DCC: variants seen among roughly 807,000 people sequenced by gnomAD.
DCC encodes the protein netrin receptor DCC.
A neutral mutation model predicts 172.5 loss-of-function variants in DCC; 58 were observed. The ratio of observed to expected loss-of-function variants is 0.34; its 90% CI spans 0.27 to 0.42. DCC has a LOEUF of 0.42. DCC is among the 10% of genes least tolerant of loss of function. The pLI is 1.00. For missense variants in DCC, 1,740 were observed against 1,791.0 expected (o/e 0.97, Z 0.51); for synonymous variants, 709 against 644.5 (o/e 1.10, Z -1.52).
intron 5 of DCC, among the ~76,000 whole-genome samples, chr18:52,990,439 C>G (rs999014312): frequency 2.0e-5 from 3 of 146,440 alleles, no homozygotes; most frequent in Non-Finnish European, 4.5e-5. Flanking sequence ...ACTTGGGAGG[C>G]TGAGGCAGGA....
At chr18:52,910,798 A>G (rs2145458663) in intron 3 of DCC, among the ~76,000 whole-genome samples, 1 of 152,292 alleles carries the variant, frequency 6.6e-6, no homozygotes, top group Non-Finnish European at 1.5e-5. Context: ...CTACAGTTAG[A>G]TGACTCTGAG....
intron 1 of DCC, among the ~76,000 whole-genome samples, chr18:52,600,261 G>T (rs2033990360): frequency 6.6e-6 from 1 of 152,144 alleles, no homozygotes; most frequent in East Asian, 1.9e-4. Context: ...TTATTGAAAT[G>T]ACCAGGTTTT....
chr18:53,476,208 C>T (rs777021207), intron 25 of DCC, among the ~76,000 whole-genome samples: 13 of 152,092 alleles, frequency 8.5e-5, no homozygotes, highest in African/African-American at 2.4e-4. Flanking sequence ...GATGAGATGT[C>T]GGGCTGTGGA....
intron 1 of DCC, among the ~76,000 whole-genome samples, chr18:52,639,354 A>C (rs1386121474): frequency 6.6e-6 from 1 of 152,038 alleles, no homozygotes; most frequent in Non-Finnish European, 1.5e-5. Context: ...ACAAACAAAA[A>C]ATAAATGAAA....
At chr18:52,509,443 G>T (rs1218535920) in intron 1 of DCC, among the ~76,000 whole-genome samples, 5 of 152,030 alleles carry the variant, frequency 3.3e-5, no homozygotes, top group South Asian at 4.1e-4. Context: ...GCACTGATTT[G>T]ACCATGAATT....
intron 1 of DCC, among the ~76,000 whole-genome samples, chr18:52,347,969 A>G (rs1983952688): frequency 6.6e-6 from 1 of 152,148 alleles, no homozygotes; most frequent in Non-Finnish European, 1.5e-5. Context: ...ACCCACTAGC[A>G]GTTTTCTGAT....
chr18:52,920,524 A>G (rs916427291), intron 3 of DCC, among the ~76,000 whole-genome samples: 2 of 151,810 alleles, frequency 1.3e-5, no homozygotes, highest in African/African-American at 4.8e-5. Flanking sequence ...TGGCTAAAAT[A>G]CAAAAAAAAT....
chr18:53,103,336 A>C (rs540860552), intron 7 of DCC, among the ~76,000 whole-genome samples: 1 of 152,076 alleles, frequency 6.6e-6, no homozygotes, highest in African/African-American at 2.4e-5. Flanking sequence ...ATGGGAACCC[A>C]GGGTAGTAAC....
intron 2 of DCC, among the ~76,000 whole-genome samples, chr18:52,839,792 T>C (rs993169351): frequency 1.3e-5 from 2 of 152,230 alleles, no homozygotes; most frequent in Admixed American, 1.3e-4. Flanking sequence ...GATTAGGTGT[T>C]ACATTTTGTT....
intron 11 of DCC, among the ~76,000 whole-genome samples, chr18:53,208,974 A>G (rs1488091437): frequency 6.6e-6 from 1 of 151,840 alleles, no homozygotes; most frequent in Non-Finnish European, 1.5e-5. Context: ...CAAGTGATCC[A>G]CCCGCCTTGG....
At chr18:52,510,090 G>T (rs2031378771) in intron 1 of DCC, among the ~76,000 whole-genome samples, 1 of 147,798 alleles carries the variant, frequency 6.8e-6, no homozygotes, top group South Asian at 2.2e-4. Context: ...GGCAATGAGA[G>T]CAAAATTCTG....
At chr18:53,215,459 C>T (rs2055831093) in intron 11 of DCC, 89 bp from the exon 12 acceptor site, 2 of 1,105,020 alleles carry the variant, frequency 1.8e-6, no homozygotes, top group Non-Finnish European at 2.8e-6. Context: ...ACTATATAAA[C>T]AAAACCACAC....
chr18:53,522,486 G>A (rs895330562), intron 27 of DCC, among the ~76,000 whole-genome samples: 1 of 152,086 alleles, frequency 6.6e-6, no homozygotes, highest in African/African-American at 2.4e-5. Flanking sequence ...AAAGAACAAA[G>A]CTGAAAGCAT....
At chr18:52,886,210 A>G (rs770661704) in intron 2 of DCC, among the ~76,000 whole-genome samples, 5 of 152,096 alleles carry the variant, frequency 3.3e-5, no homozygotes, top group African/African-American at 9.7e-5. Context: ...CTCTAAGCCC[A>G]GCCCAGGACT....
At chr18:53,226,819 A>G (rs184912391) in intron 12 of DCC, among the ~76,000 whole-genome samples, 86 of 151,502 alleles carry the variant, frequency 5.7e-4, no homozygotes, top group Non-Finnish European at 1.0e-3. Context: ...CTGAGCATAC[A>G]TTTTATAATC....
chr18:52,769,317 C>T (rs1011807752), intron 2 of DCC, among the ~76,000 whole-genome samples: 2 of 152,184 alleles, frequency 1.3e-5, no homozygotes, highest in Non-Finnish European at 2.9e-5. Flanking sequence ...TTATCACTTC[C>T]TAATGACATA....
chr18:52,480,413 AAGAT>A (rs142711788), intron 1 of DCC, among the ~76,000 whole-genome samples: 4,770 of 152,246 alleles, frequency 0.031, 261 homozygotes, highest in African/African-American at 0.11. Context: ...TTCAAAGAGA[AAGAT>A]CTTATGAGGT....
chr18:52,603,572 C>T lies in DCC; in HGVS notation c.92-148482C>T, dbSNP rs985152117. 7.5e-5 allele frequency among the ~76,000 whole-genome samples: 11 copies of T among 147,378 alleles called. No individual in the cohort carries two copies. In the Admixed American group the frequency reaches 7.5e-4, roughly 10 times the overall value. ...TTAAAAAAATAAACGTATTTAGAAA[C>T]CCTAAAATGTGAAGTTAATACACAC... On this transcript the variant is annotated intron_variant, in intron 1 of 28. Coordinates refer to ENST00000442544, the MANE Select transcript of DCC (RefSeq NM_005215.4).
chr18:53,491,768 A>G (rs547722096), intron 26 of DCC, among the ~76,000 whole-genome samples: 37 of 152,328 alleles, frequency 2.4e-4, no homozygotes, highest in Middle Eastern at 3.4e-3. Flanking sequence ...GCTATTGTGA[A>G]GAGTGCCACA....
Sources: gnomAD v4.1 joint callset for allele counts (sites outside exome capture counted in the v4.1 genomes callset) on GRCh38, gnomAD v4.1.1 for gene constraint, MANE v1.5 for transcripts, NCBI Gene and HGNC (gene_info 2026-07-23, HGNC 2026-07-21) for gene names.